Variants in MED27 observed in about 807,000 individuals in gnomAD.
The protein encoded by MED27 is mediator complex subunit 27.
MED27 carries 30 observed loss-of-function variants against 38.2 expected under a neutral mutation model. The observed-to-expected ratio is 0.79, with a 90% CI of 0.59 to 1.07. The LOEUF is 1.07. Ranked by LOEUF, MED27 falls within the 50% of genes least tolerant of loss-of-function variation. MED27 has a pLI of 0.00. For missense variants in MED27, 289 were observed against 397.5 expected (o/e 0.73, Z 2.32); for synonymous variants, 122 against 153.5 (o/e 0.79, Z 1.52).
intron 2 of MED27, among the ~76,000 whole-genome samples, chr9:132,038,255 G>T (rs966948282): frequency 6.8e-6 from 1 of 146,126 alleles, no homozygotes; most frequent in African/African-American, 2.5e-5. Context: ...GCAGTGGCGG[G>T]ATCTCGGCTC....
Position 131,917,503 on chromosome 9 carries a change from A to G in MED27, c.573+21878T>C, listed in dbSNP as rs186264572. Among the ~76,000 whole-genome samples the G allele has an allele frequency of 2.1e-3, 314 of 152,066 alleles. No homozygotes were observed. The highest frequency in any genetic ancestry group is 7.4e-3 in the African/African-American group (306 of 41,500). On this transcript the variant is annotated intron_variant, in intron 4 of 7. Transcript: ENST00000292035. The surrounding 1 kb of genome is among the most constrained non-coding windows in gnomAD (Gnocchi z 4.6). ...TCAAAGCAGGTAGACCAGGAGACCAATGAGACGGCTGGAGCAAGGGTTCAG... is the reference window on the plus strand; with the variant it reads ...TCAAAGCAGGTAGACCAGGAGACCAGTGAGACGGCTGGAGCAAGGGTTCAG...
intron 6 of MED27, among the ~76,000 whole-genome samples, chr9:131,880,478 A>G (rs761676736): frequency 6.6e-6 from 1 of 152,224 alleles, no homozygotes; most frequent in Non-Finnish European, 1.5e-5. Flanking sequence ...GTACAGGTCA[A>G]TATCAGAGGT....
At chr9:132,067,710 TTTGTTG>T (rs201200656) in intron 2 of MED27, among the ~76,000 whole-genome samples, 2 of 152,040 alleles carry the variant, frequency 1.3e-5, no homozygotes, top group African/African-American at 4.8e-5. Context: ...AAATGTTCTT[TTTGTTG>T]TTGTTGTTGT....
intron 2 of MED27, among the ~76,000 whole-genome samples, chr9:132,065,375 A>G (rs926199868): frequency 6.6e-6 from 1 of 152,234 alleles, no homozygotes; most frequent in African/African-American, 2.4e-5. Flanking sequence ...CAGGGAAAGG[A>G]GAAGAGCGGC....
In MED27 at chr9:131,861,767, C is replaced by CTT. The variant is rs66880335; in HGVS notation, c.802-1097_802-1096dup. Among the ~76,000 whole-genome samples the CTT allele has an allele frequency of 3.4e-5, 5 of 145,220 alleles. No individual in the cohort carries two copies. The highest frequency in any genetic ancestry group is 4.3e-4 in the East Asian group (2 of 4,640). On this transcript the variant is annotated intron_variant, in intron 7 of 7. Transcript: ENST00000292035. This position sits in a 1 kb window ranked among gnomAD's most constrained non-coding sequence, Gnocchi z 4.4. ...AGTGCTGTGACAGATGTAAATGGTT[C>CTT]TTTTTTTTTTTTTTTTTTTTTATGA...
intron 2 of MED27, among the ~76,000 whole-genome samples, chr9:132,025,401 C>A (rs574272016): frequency 9.9e-5 from 15 of 152,240 alleles, no homozygotes; most frequent in African/African-American, 3.6e-4. Context: ...AGGCTGGTCT[C>A]GAACTCCCAA....
chr9:131,896,928 C>T (rs558976956), intron 4 of MED27, among the ~76,000 whole-genome samples: 1 of 152,270 alleles, frequency 6.6e-6, no homozygotes, highest in African/African-American at 2.4e-5. Flanking sequence ...GACGGGGTTT[C>T]ACCATGTTGA....
At chr9:132,046,307 T>C (rs553606373) in intron 2 of MED27, among the ~76,000 whole-genome samples, 7 of 152,326 alleles carry the variant, frequency 4.6e-5, no homozygotes, top group Admixed American at 4.6e-4. Context: ...TTTGTGTTGA[T>C]TGTTTTGACA....
In MED27 at chr9:131,872,444, A is replaced by G. The variant is rs755199807; in HGVS notation, c.724-9304T>C. Among the ~76,000 whole-genome samples, 1 of 152,254 alleles carries G rather than the reference A, an allele frequency of 6.6e-6. No individual in the cohort carries two copies. Among genetic ancestry groups the G allele is most frequent in the Non-Finnish European group, 1.5e-5 (1 of 68,042 alleles). ...TCAAGTGTTTAGAAGTTGCTTATTTAAAAGAGAAGCCTGGTAGGGACCCAG... is the reference window on the plus strand; with the variant it reads ...TCAAGTGTTTAGAAGTTGCTTATTTGAAAGAGAAGCCTGGTAGGGACCCAG... On this transcript the variant is annotated intron_variant, in intron 6 of 7. Transcript: ENST00000292035. This position sits in a 1 kb window ranked among gnomAD's most constrained non-coding sequence, Gnocchi z 5.6.
intron 4 of MED27, among the ~76,000 whole-genome samples, chr9:131,931,061 A>G (rs1272179043): frequency 3.3e-5 from 5 of 152,058 alleles, no homozygotes; most frequent in African/African-American, 1.2e-4. Flanking sequence ...CCTGGGTAAC[A>G]TGGTGAAACC....
Position 131,966,896 on chromosome 9 carries a change from G to A in MED27, c.480-27422C>T, listed in dbSNP as rs1183963272. 2.6e-5 allele frequency among the ~76,000 whole-genome samples: 4 copies of A among 152,218 alleles called. No homozygotes were observed. In the East Asian group the frequency reaches 5.8e-4, roughly 22 times the overall value. Reference sequence around the variant, plus strand: ...ATGCAGAGTACTTGGACTCTAGCACGTAGCAAGTACTATCTGGATGCTCAC... The same window carrying A: ...ATGCAGAGTACTTGGACTCTAGCACATAGCAAGTACTATCTGGATGCTCAC... On this transcript the variant is annotated intron_variant, in intron 3 of 7. Coordinates refer to ENST00000292035, the MANE Select transcript of MED27 (RefSeq NM_004269.4).
intron 3 of MED27, among the ~76,000 whole-genome samples, chr9:131,999,424 G>A (rs1406678315): frequency 6.6e-6 from 1 of 152,168 alleles, no homozygotes; most frequent in Non-Finnish European, 1.5e-5. Flanking sequence ...TTACCGAAGG[G>A]TTAAAGACAA....
chr9:131,989,394 C>T lies in MED27; in HGVS notation c.479+24943G>A, dbSNP rs74796036. ...CTCCTAACCTTTTATTCCATGAAAA[C>T]GTGTCTTGAGAGGCTTCGGCAATAG... On this transcript the variant is annotated intron_variant, in intron 3 of 7. Coordinates refer to ENST00000292035, the MANE Select transcript of MED27 (RefSeq NM_004269.4). Among the ~76,000 whole-genome samples, 319 of 152,248 alleles carry T rather than the reference C, an allele frequency of 2.1e-3. 1 individual carries two copies. Among genetic ancestry groups the T allele is most frequent in the African/African-American group, 7.5e-3 (311 of 41,562 alleles).
At chr9:132,046,829 C>T (rs142126872) in intron 2 of MED27, among the ~76,000 whole-genome samples, 1 of 152,280 alleles carries the variant, frequency 6.6e-6, no homozygotes, top group African/African-American at 2.4e-5. Flanking sequence ...TCTCTCTGCC[C>T]TGCTACAGTT....
Position 131,984,522 on chromosome 9 carries a change from A to C in MED27, c.479+29815T>G, listed in dbSNP as rs531538387. On this transcript the variant is annotated intron_variant, in intron 3 of 7. Transcript: ENST00000292035. The stretch of plus-strand genomic sequence containing the variant: ...GGGCCAAATAACAAAACAAAACACA[A>C]CATAATACACCCATAAGAGAACAGC... 3.9e-5 allele frequency among the ~76,000 whole-genome samples: 6 copies of C among 152,272 alleles called. No individual in the cohort carries two copies. The South Asian group carries it at 1.0e-3, about 26-fold the overall frequency.
chr9:132,011,829 C>T (rs78443441), intron 3 of MED27, among the ~76,000 whole-genome samples: 4,308 of 152,230 alleles, frequency 0.028, 198 homozygotes, highest in African/African-American at 0.093. Context: ...AAATAGGCTA[C>T]TAAGTATAGG....
chr9:131,893,783 C>T, intron 5 of MED27, 102 bp downstream of exon 5: 1 of 773,874 alleles, frequency 1.3e-6, no homozygotes, highest in African/African-American at 1.7e-5. Flanking sequence ...CTGATCATTT[C>T]CGCTATGATT....
intron 4 of MED27, among the ~76,000 whole-genome samples, chr9:131,912,683 G>T (rs1050382322): frequency 6.6e-6 from 1 of 152,126 alleles, no homozygotes; most frequent in African/African-American, 2.4e-5. Flanking sequence ...CCCAGTTCAA[G>T]AACTTTCAAA....
At chr9:132,079,131 A>C (rs1834118734) in intron 1 of MED27, among the ~76,000 whole-genome samples, 1 of 152,118 alleles carries the variant, frequency 6.6e-6, no homozygotes, top group African/African-American at 2.4e-5. Context: ...GAAAAGGTGA[A>C]GACAGCTCAA....
Sources: allele counts gnomAD v4.1 joint callset (sites outside exome capture counted in the v4.1 genomes callset), GRCh38; gene constraint gnomAD v4.1.1; non-coding constraint Gnocchi (gnomAD v3.1); transcripts MANE v1.5; gene names NCBI Gene and HGNC (gene_info 2026-07-23, HGNC 2026-07-21).